Variants in FCN2 observed in about 807,000 individuals in gnomAD.
FCN2 encodes the protein ficolin-2.
FCN2 carries 31 observed loss-of-function variants against 32.5 expected under a neutral mutation model. The observed-to-expected ratio is 0.96, with a 90% CI of 0.72 to 1.29. The LOEUF is 1.29. Among genes scored for constraint, FCN2 ranks in the 50% most tolerant of loss-of-function variants. The pLI, the probability that FCN2 is intolerant of heterozygous loss-of-function variation, is 0.00. For missense variants in FCN2, 412 were observed against 406.5 expected, an observed-to-expected ratio of 1.01 and a Z score of -0.12; for synonymous variants, 181 against 164.5, an observed-to-expected ratio of 1.10 and a Z score of -0.77.
chr9:134,864,758 C>A, the FCN2 span, among the ~76,000 whole-genome samples: 26 of 152,174 alleles, frequency 1.7e-4, no homozygotes, highest in Admixed American at 2.6e-4. Flanking sequence ...ACGCCAGGCC[C>A]GGTACTATGC....
rs111325668 is a variant in FCN2, at chr9:134,883,316, C to A, written c.229C>A (p.Pro77Thr). The part of the protein sequence containing the change: ...TNGKRGERGP[P>T]GPPGKAGPPG... ...GGAAATTGCAGGAGAACGTGGCCCC[C>A]CTGGACCTCCTGGGAAGGCAGGACC... is the stretch of plus-strand genomic sequence containing the variant. Residue 77 changes from proline (P) to threonine (T), a missense_variant, in exon 3 of 8, where the codon CCT becomes ACT. By Grantham distance (38) the Pro-to-Thr change is conservative. Coordinates refer to ENST00000291744, the MANE Select transcript of FCN2 (RefSeq NM_004108.3). 1.9e-6 allele frequency: 3 copies of A among 1,613,672 alleles called. No homozygotes were observed. The South Asian group carries it at 3.3e-5, about 18-fold the overall frequency.
intron 7 of FCN2, 34 bp from the exon 8 acceptor site, chr9:134,887,134 G>A (rs376615239): frequency 1.2e-6 from 2 of 1,613,222 alleles, no homozygotes; most frequent in Non-Finnish European, 1.7e-6. Flanking sequence ...TGATGTTACT[G>A]CCTGTAACGA....
At chr9:134,873,116 T>C in the FCN2 span, among the ~76,000 whole-genome samples, 1 of 111,366 alleles carries the variant, frequency 9.0e-6, no homozygotes, top group Non-Finnish European at 1.8e-5. Context: ...CTGTTTTTTT[T>C]TAATTGGAGG....
upstream of FCN2, among the ~76,000 whole-genome samples, chr9:134,877,791 G>A (rs192809417): frequency 6.6e-6 from 1 of 152,222 alleles, no homozygotes; most frequent in Non-Finnish European, 1.5e-5. Context: ...CCTGGGCTGA[G>A]GCACAGAGGT....
intron 4 of FCN2, 64 bp from the exon 5 acceptor site, chr9:134,885,175 T>C: frequency 6.2e-7 from 1 of 1,609,298 alleles, no homozygotes; most frequent in Non-Finnish European, 8.5e-7. Flanking sequence ...CAGGCCTCCC[T>C]CCTACTGCCT....
chr9:134,875,782 C>T, the FCN2 span, among the ~76,000 whole-genome samples: 9 of 152,328 alleles, frequency 5.9e-5, no homozygotes, highest in East Asian at 1.9e-4. Flanking sequence ...AGTTGAACCA[C>T]GGATGAGACT....
the FCN2 span, among the ~76,000 whole-genome samples, chr9:134,865,950 C>T: frequency 3.3e-5 from 5 of 151,322 alleles, no homozygotes; most frequent in African/African-American, 7.3e-5. Context: ...AGGACCTCTT[C>T]GAGGAGAACT....
the FCN2 span, among the ~76,000 whole-genome samples, chr9:134,866,721 A>C: frequency 7.2e-6 from 1 of 138,392 alleles, no homozygotes; most frequent in South Asian, 2.7e-4. Context: ...AATGGGAGAA[A>C]ATTTTTGCAA....
chr9:134,887,430 A>G lies in FCN2; in HGVS notation c.*15A>G. On this transcript the variant is annotated 3_prime_UTR_variant, in exon 8 of 8. Transcript: ENST00000291744. ...GACCTGCCTAGCCCAGGCCGGCCTC[A>G]GGGTCAGGACGCCTCCACACATAGT... The G allele has an allele frequency of 6.2e-7, 1 of 1,613,058 alleles. No homozygotes were observed.
chr9:134,876,362 A>T (rs1309144742), upstream of FCN2, among the ~76,000 whole-genome samples: 1 of 152,088 alleles, frequency 6.6e-6, no homozygotes, highest in Non-Finnish European at 1.5e-5. Flanking sequence ...TTCTTCCTTA[A>T]ATGTTTGGTA....
At chr9:134,865,292 C>G in the FCN2 span, among the ~76,000 whole-genome samples, 39 of 152,336 alleles carry the variant, frequency 2.6e-4, no homozygotes, top group Non-Finnish European at 3.4e-4. Context: ...CTCTGGCCCC[C>G]CTGCATTGCA....
chr9:134,872,647 G>C, the FCN2 span, among the ~76,000 whole-genome samples: 2 of 152,130 alleles, frequency 1.3e-5, no homozygotes, highest in African/African-American at 4.8e-5. Flanking sequence ...AGCGTGGTGC[G>C]GGGGAACTCC....
the FCN2 span, among the ~76,000 whole-genome samples, chr9:134,865,470 G>T: frequency 6.6e-6 from 1 of 152,206 alleles, no homozygotes; most frequent in African/African-American, 2.4e-5. Context: ...ACACTACAGA[G>T]GCCCTTTCAC....
chr9:134,880,903 G>A lies in FCN2; in HGVS notation c.82G>A (p.Ala28Thr), dbSNP rs1394816997. The A allele has an allele frequency of 1.2e-6, 2 of 1,613,036 alleles. No homozygotes were observed. The highest frequency in any genetic ancestry group is 1.6e-4 in the Middle Eastern group (1 of 6,080). ...CCTGGGCATGGCCTGGGCTCTCCAG[G>A]CGGCAGACACCTGTCCAGGTAAGGG... is the stretch of plus-strand genomic sequence containing the variant. ...SFLGMAWALQ[A>T]ADTCPEVKMV... The change falls in exon 1 of 8, where the codon GCG (alanine) becomes ACG (threonine). Residue 28 changes from alanine to threonine, a missense_variant. Physicochemically the swap from Ala to Thr is moderately conservative, Grantham distance 58. Coordinates refer to ENST00000291744, the MANE Select transcript of FCN2 (RefSeq NM_004108.3).
At chr9:134,864,465 G>A in the FCN2 span, among the ~76,000 whole-genome samples, 1 of 152,216 alleles carries the variant, frequency 6.6e-6, no homozygotes, top group Admixed American at 6.5e-5. Flanking sequence ...CTTCGGGAGG[G>A]AGTGGCCATC....
the FCN2 span, among the ~76,000 whole-genome samples, chr9:134,869,693 ACT>A: frequency 3.3e-5 from 5 of 152,034 alleles, no homozygotes; most frequent in African/African-American, 7.2e-5. Flanking sequence ...TTCACAGATG[ACT>A]CTTCTCAACC....
intron 1 of FCN2, among the ~76,000 whole-genome samples, chr9:134,882,078 C>T (rs1186824369): frequency 6.6e-6 from 1 of 152,082 alleles, no homozygotes; most frequent in Non-Finnish European, 1.5e-5. Flanking sequence ...CCTTCTCACC[C>T]GATATTGATT....
chr9:134,885,712 G>A (rs552143815), intron 5 of FCN2, 56 bp from the exon 6 acceptor site: 57 of 1,611,452 alleles, frequency 3.5e-5, no homozygotes, highest in East Asian at 8.9e-5. Context: ...CGGGTCCCCC[G>A]TGCTGTGGGA....
At chr9:134,871,046 A>G in the FCN2 span, among the ~76,000 whole-genome samples, 1 of 152,166 alleles carries the variant, frequency 6.6e-6, no homozygotes, top group East Asian at 1.9e-4. Flanking sequence ...TTCCTTGCCC[A>G]AAGTGTCTTT....
Sources: gnomAD v4.1 joint callset for allele counts (sites outside exome capture counted in the v4.1 genomes callset) on GRCh38, gnomAD v4.1.1 for gene constraint, MANE v1.5 for transcripts, NCBI Gene and HGNC (gene_info 2026-07-23, HGNC 2026-07-21) for gene names.